The following SLC26A4 variants were observed in gnomAD, a reference collection of about 807,000 sequenced individuals.
The protein encoded by SLC26A4 is solute carrier family 26 member 4, also known as pendrin.
In SLC26A4, 93 loss-of-function variants were observed where a neutral mutation model predicts 90.4. The observed-to-expected ratio is 1.03, with a 90% CI of 0.87 to 1.22. SLC26A4 has a LOEUF of 1.22. Ranked by LOEUF, SLC26A4 falls within the 50% of genes most tolerant of loss-of-function variation. SLC26A4 has a pLI of 0.00. For synonymous variants in SLC26A4, 393 were observed against 354.6 expected (o/e 1.11, Z -1.22); for missense variants, 1,127 against 946.2 (o/e 1.19, Z -2.51).
chr7:107,701,095 C>A lies in SLC26A4; in HGVS notation c.1708-6C>A. On this transcript the variant is annotated splice_region_variant and splice_polypyrimidine_tract_variant and intron_variant, in intron 15 of 20. Coordinates refer to ENST00000644269, the MANE Select transcript of SLC26A4 (RefSeq NM_000441.2). Reference sequence around the variant, plus strand: ...ATTTTAAGTAACTTGACATTTATTTCCAAAGGTTGGATTTGATGCCATTAG... The same window carrying A: ...ATTTTAAGTAACTTGACATTTATTTACAAAGGTTGGATTTGATGCCATTAG... 1 of 1,570,938 alleles carries A rather than the reference C, an allele frequency of 6.4e-7. No homozygotes were observed. Among genetic ancestry groups the A allele is most frequent in the Non-Finnish European group, 8.8e-7 (1 of 1,140,754 alleles).
chr7:107,675,130 C>T, intron 6 of SLC26A4, 21 bp downstream of exon 6: 1 of 1,609,864 alleles, frequency 6.2e-7, no homozygotes, highest in Non-Finnish European at 8.5e-7. Flanking sequence ...CTTCTTGCTC[C>T]AGGGATGGGT....
chr7:107,680,300 A>AATCTTATATTATT lies in SLC26A4; in HGVS notation c.766-2900_766-2899insCTTATATTATTAT, dbSNP rs79285399. 5.2e-3 allele frequency among the ~76,000 whole-genome samples: 188 copies of AATCTTATATTATT among 36,118 alleles called. 7 individuals carry two copies. Among genetic ancestry groups the AATCTTATATTATT allele is most frequent in the African/African-American group, 0.035 (161 of 4,582 alleles). 23.7% of individuals were successfully genotyped at this position (36,118 alleles called of 152,430 possible). On this transcript the variant is annotated intron_variant, in intron 6 of 20. Coordinates refer to ENST00000644269, the MANE Select transcript of SLC26A4 (RefSeq NM_000441.2). ...ATAATATAATCTTATCTTATTATAT[A>AATCTTATATTATT]ATATAATCTTATATTATTATATAAT...
In SLC26A4 at chr7:107,704,360, G is replaced by T; in HGVS notation, c.2064G>T (p.Val688=). 7.1e-7 allele frequency: 1 copy of T among 1,404,820 alleles called. No homozygotes were observed. The highest frequency in any genetic ancestry group is 1.2e-5 in the South Asian group (1 of 85,364). The allele number at this position is 1,404,820 out of a possible 1,614,324, so 87.0% of individuals were successfully genotyped here. A position where few individuals can be genotyped will look rare whatever the true frequency, so the allele number is the denominator to read the frequency against. ...TCAAAGAATTCCAAAGAATTGATGT[G>T]AATGTGTATTTTGCATCACTTCAAG... ...VIVKEFQRID[V]NVYFASLQDY... is the part of the protein sequence containing the mutation. Residue 688 remains valine (V), a synonymous_variant, in exon 18 of 21, where the codon GTG becomes GTT. Transcript: ENST00000644269.
chr7:107,701,988 C>T lies in SLC26A4; in HGVS notation c.1965C>T (p.Ile655=), dbSNP rs151176078. 3.2e-5 allele frequency: 51 copies of T among 1,613,962 alleles called. No homozygotes were observed. The Admixed American group carries it at 5.0e-4, about 16-fold the overall frequency. Residue 655 remains isoleucine, a synonymous_variant, in exon 17 of 21, where the codon ATC becomes ATT. Coordinates refer to ENST00000644269, the MANE Select transcript of SLC26A4 (RefSeq NM_000441.2). Reference sequence around the variant, plus strand: ...AAGTGAACGTTCCCAAAGTGCCAATCCATAGCCTTGTGCTTGACTGTGGAG... The same window carrying T: ...AAGTGAACGTTCCCAAAGTGCCAATTCATAGCCTTGTGCTTGACTGTGGAG... ...PVKVNVPKVP[I]HSLVLDCGAI... is the part of the protein sequence containing the mutation.
At chr7:107,706,878 T>C (rs1386493142) in intron 18 of SLC26A4, among the ~76,000 whole-genome samples, 1 of 152,208 alleles carries the variant, frequency 6.6e-6, no homozygotes, top group Non-Finnish European at 1.5e-5. Context: ...TATGAAAGTA[T>C]GCTTAACAAG....
intron 8 of SLC26A4, 77 bp from the exon 9 acceptor site, chr7:107,688,976 G>C (rs1453261762): frequency 6.9e-7 from 1 of 1,445,758 alleles, no homozygotes; most frequent in African/African-American, 1.4e-5. Flanking sequence ...TGACTGAGCA[G>C]ATATAGCATT....
At position 107,709,759 on chromosome 7, in the gene SLC26A4, G is replaced by C. The variant is rs576538277; in HGVS notation, c.2090-295G>C. Among the ~76,000 whole-genome samples the C allele has an allele frequency of 5.3e-5, 8 of 152,312 alleles. No homozygotes were observed. The East Asian group carries it at 1.5e-3, about 29-fold the overall frequency. Reference sequence around the variant, plus strand: ...AAAGAAACTGTCATTTCAAATCTGGGTCACATTTTGGATAAGAGAAAAATA... The same window carrying C: ...AAAGAAACTGTCATTTCAAATCTGGCTCACATTTTGGATAAGAGAAAAATA... On this transcript the variant is annotated intron_variant, in intron 18 of 20. Coordinates refer to ENST00000644269, the MANE Select transcript of SLC26A4 (RefSeq NM_000441.2).
chr7:107,664,455 C>T (rs1790655586), intron 3 of SLC26A4, among the ~76,000 whole-genome samples: 1 of 152,070 alleles, frequency 6.6e-6, no homozygotes, highest in Non-Finnish European at 1.5e-5. Context: ...TGGTCTGGAA[C>T]TCCTAACCTC....
intron 20 of SLC26A4, among the ~76,000 whole-genome samples, chr7:107,715,155 A>G (rs1465286014): frequency 6.6e-6 from 1 of 151,532 alleles, no homozygotes; most frequent in Non-Finnish European, 1.5e-5. Context: ...GAATTGCTTG[A>G]ACCTGGGAGG....
intron 6 of SLC26A4, among the ~76,000 whole-genome samples, chr7:107,679,379 AG>A (rs1012766824): frequency 1.3e-5 from 2 of 152,178 alleles, no homozygotes; most frequent in Non-Finnish European, 2.9e-5. Flanking sequence ...TATACACAAA[AG>A]ATATGGAAGG....
intron 7 of SLC26A4, 41 bp downstream of exon 7, chr7:107,683,395 T>C (rs1791306800): frequency 1.1e-5 from 17 of 1,610,962 alleles, no homozygotes; most frequent in South Asian, 8.8e-5. Flanking sequence ...CATTATTTGG[T>C]TGACAAACAA....
At chr7:107,676,894 C>G (rs1369748538) in intron 6 of SLC26A4, among the ~76,000 whole-genome samples, 1 of 152,112 alleles carries the variant, frequency 6.6e-6, no homozygotes, top group East Asian at 1.9e-4. Context: ...GATCATGAGG[C>G]CAGGTGTGGT....
chr7:107,662,037 C>A, intron 2 of SLC26A4: 1 of 583,016 alleles, frequency 1.7e-6, no homozygotes, highest in Non-Finnish European at 3.0e-6. Context: ...GGAAACTCGC[C>A]TTTGGGGAGA....
intron 4 of SLC26A4, 37 bp downstream of exon 4, chr7:107,672,285 T>C (rs769893705): frequency 1.5e-6 from 2 of 1,363,990 alleles, no homozygotes; most frequent in Non-Finnish European, 2.1e-6. Context: ...TATTTGCTCA[T>C]GTTTAAAGTG....
chr7:107,690,868 A>T (rs1584325854), intron 10 of SLC26A4, among the ~76,000 whole-genome samples: 1 of 151,990 alleles, frequency 6.6e-6, no homozygotes, highest in East Asian at 1.9e-4. Context: ...TAATCTCTGG[A>T]TAATCCCTCC....
intron 8 of SLC26A4, among the ~76,000 whole-genome samples, chr7:107,684,650 C>G (rs1791346561): frequency 6.6e-6 from 1 of 152,296 alleles, no homozygotes; most frequent in African/African-American, 2.4e-5. Context: ...ACACAGATTC[C>G]TGGTTCCCAC....
chr7:107,679,654 A>C (rs964600157), intron 6 of SLC26A4, among the ~76,000 whole-genome samples: 1 of 151,200 alleles, frequency 6.6e-6, no homozygotes, highest in African/African-American at 2.4e-5. Flanking sequence ...TCATTATCAT[A>C]ATTTGAATTA....
intron 6 of SLC26A4, among the ~76,000 whole-genome samples, chr7:107,679,758 T>C (rs1307400077): frequency 4.0e-5 from 6 of 148,902 alleles, no homozygotes; most frequent in Non-Finnish European, 5.9e-5. Flanking sequence ...TTAGAAGTAC[T>C]GTTCAGTGTT....
chr7:107,701,300 A>C, intron 16 of SLC26A4, 104 bp downstream of exon 16: 1 of 752,840 alleles, frequency 1.3e-6, no homozygotes, highest in East Asian at 2.5e-5. Flanking sequence ...TCCAGATGTG[A>C]ATGAACAAAT....
Sources: gnomAD v4.1 joint callset for allele counts (sites outside exome capture counted in the v4.1 genomes callset) on GRCh38, gnomAD v4.1.1 for gene constraint, MANE v1.5 for transcripts, NCBI Gene and HGNC (gene_info 2026-07-23, HGNC 2026-07-21) for gene names.